The following GRTP1 variants were observed in gnomAD, a reference collection of about 807,000 sequenced individuals.
GRTP1 encodes the protein growth hormone-regulated TBC protein 1.
Under a neutral mutation model 38.1 loss-of-function variants are expected in GRTP1, and 56 were observed. The ratio of observed to expected loss-of-function variants is 1.47; its 90% confidence interval spans 1.19 to 1.84. The LOEUF (loss-of-function observed/expected upper bound fraction) is 1.84. Among genes scored for constraint, GRTP1 ranks in the 40% most tolerant of loss-of-function variants. GRTP1 has a pLI of 0.00. For synonymous variants in GRTP1, 217 were observed against 189.5 expected (o/e 1.14, Z -1.19); for missense variants, 506 against 453.9 (o/e 1.11, Z -1.04).
chr13:113,358,498 C>T (rs995010137), intron 2 of GRTP1, among the ~76,000 whole-genome samples: 3 of 151,886 alleles, frequency 2.0e-5, no homozygotes, highest in African/African-American at 4.8e-5. Context: ...ATATGCAAAG[C>T]GAAAAGAACC....
intron 2 of GRTP1, among the ~76,000 whole-genome samples, chr13:113,356,443 T>C (rs1011596800): frequency 2.6e-5 from 4 of 152,214 alleles, no homozygotes; most frequent in Admixed American, 6.5e-5. Flanking sequence ...AATTTTTGTA[T>C]TCTTAGTAAA....
At chr13:113,328,331 G>C (rs2042806347) in intron 5 of GRTP1, among the ~76,000 whole-genome samples, 1 of 152,182 alleles carries the variant, frequency 6.6e-6, no homozygotes, top group Non-Finnish European at 1.5e-5. Context: ...GTCAGACGTG[G>C]GCAGGGGCCA....
At chr13:113,332,646 C>T (rs566780291) in intron 5 of GRTP1, among the ~76,000 whole-genome samples, 2 of 152,374 alleles carry the variant, frequency 1.3e-5, no homozygotes, top group South Asian at 2.1e-4. Context: ...CCCACAAACA[C>T]ATCCCGAGGA....
chr13:113,332,171 C>T (rs892341367), intron 5 of GRTP1, among the ~76,000 whole-genome samples: 22 of 152,236 alleles, frequency 1.4e-4, no homozygotes, highest in Non-Finnish European at 1.9e-4. Context: ...CCATCAGATT[C>T]CCTGACTGTG....
intron 4 of GRTP1, among the ~76,000 whole-genome samples, chr13:113,345,594 A>C (rs150552107): frequency 1.3e-5 from 2 of 152,364 alleles, no homozygotes; most frequent in Admixed American, 6.5e-5. Flanking sequence ...TAATTTCTAA[A>C]GTAAGTATTT....
At position 113,363,645 on chromosome 13, in the gene GRTP1, G is replaced by T. The variant is rs984162551; in HGVS notation, c.181+117C>A. The T allele has an allele frequency of 2.5e-5, 27 of 1,091,522 alleles. No individual in the cohort carries two copies. The Middle Eastern group carries it at 9.1e-4, about 37-fold the overall frequency. 67.6% of individuals were successfully genotyped at this position (1,091,522 alleles called of 1,614,324 possible). A position where few individuals can be genotyped will look rare whatever the true frequency, so the allele number is the denominator to read the frequency against. ...AGCTCGGAGCCCGCAGCTTCGTCCC[G>T]ACCTGCCCGGAAAGGTTCCTCCCCC... On this transcript the variant is annotated intron_variant, in intron 2 of 7. Transcript: ENST00000375431.
At chr13:113,346,710 G>A (rs372189328) in intron 4 of GRTP1, among the ~76,000 whole-genome samples, 57 of 754 alleles carry the variant, frequency 0.076, 28 homozygotes, top group African/African-American at 0.36. Flanking sequence ...GAGCAGACCC[G>A]GGAGGACCTC....
chr13:113,326,494 A>T (rs1266274296), intron 5 of GRTP1, among the ~76,000 whole-genome samples: 3 of 151,574 alleles, frequency 2.0e-5, no homozygotes, highest in Non-Finnish European at 2.9e-5. Flanking sequence ...ACATGGCTGA[A>T]ACCCCGTCTC....
At chr13:113,334,252 C>T (rs1332757712) in intron 5 of GRTP1, among the ~76,000 whole-genome samples, 1 of 53,498 alleles carries the variant, frequency 1.9e-5, no homozygotes, top group Non-Finnish European at 5.4e-5. Flanking sequence ...GACCTGCTTC[C>T]CCTTCGTCCC....
intron 2 of GRTP1, 111 bp downstream of exon 2, chr13:113,363,651 C>A: frequency 8.7e-7 from 1 of 1,150,268 alleles, no homozygotes. Flanking sequence ...TCCCGACCTG[C>A]CCGGAAAGGT....
Position 113,352,362 on chromosome 13 carries a change from A to ATATATATATATATTTATATATATATTT in GRTP1, c.341-1390_341-1389insAAATATATATATAAATATATATATATA, listed in dbSNP as rs71101572. On this transcript the variant is annotated intron_variant, in intron 3 of 7. Coordinates refer to ENST00000375431, the MANE Select transcript of GRTP1 (RefSeq NM_024719.4). ...TTATATATATATTTATATATATTTT[A>ATATATATATATATTTATATATATATTT]TATATATATATATATTTATATATAT... 2.1e-4 allele frequency among the ~76,000 whole-genome samples: 17 copies of ATATATATATATATTTATATATATATTT among 80,800 alleles called. 1 individual carries two copies. Among genetic ancestry groups the ATATATATATATATTTATATATATATTT allele is most frequent in the African/African-American group, 8.4e-4 (15 of 17,796 alleles). 53.0% of individuals were successfully genotyped at this position (80,800 alleles called of 152,430 possible).
rs574794090 is a variant in GRTP1, at chr13:113,353,470, C to T, written c.340+1853G>A. 3.1e-3 allele frequency among the ~76,000 whole-genome samples: 478 copies of T among 152,352 alleles called. 2 individuals carry two copies. Among genetic ancestry groups the T allele is most frequent in the Non-Finnish European group, 3.0e-3 (207 of 68,048 alleles). On this transcript the variant is annotated intron_variant, in intron 3 of 7. Coordinates refer to ENST00000375431, the MANE Select transcript of GRTP1 (RefSeq NM_024719.4). ...TCACACAAGATGCAGTACAGAGGAT[C>T]CCTGAGGACTGAGGCGAGGGAAAGG...
intron 2 of GRTP1, among the ~76,000 whole-genome samples, chr13:113,359,379 A>C (rs1334928839): frequency 6.6e-6 from 1 of 152,212 alleles, no homozygotes; most frequent in Non-Finnish European, 1.5e-5. Flanking sequence ...GGCCAGGTGC[A>C]GTGGCTCATG....
At chr13:113,341,198 T>G (rs766020512) in intron 5 of GRTP1, among the ~76,000 whole-genome samples, 4 of 151,996 alleles carry the variant, frequency 2.6e-5, no homozygotes, top group Non-Finnish European at 5.9e-5. Flanking sequence ...CTGTGGGATA[T>G]GTGGATTATA....
Position 113,324,216 on chromosome 13 carries a change from T to C in GRTP1, c.*272A>G, listed in dbSNP as rs1487779155. Reference sequence around the variant, plus strand: ...CACAAACACAGGTGTTGGCATACTTTATTAGATACAAACCCACACTCACAT... The same window carrying C: ...CACAAACACAGGTGTTGGCATACTTCATTAGATACAAACCCACACTCACAT... On this transcript the variant is annotated 3_prime_UTR_variant, in exon 8 of 8. Transcript: ENST00000375431. The C allele has an allele frequency of 5.0e-6, 2 of 398,576 alleles. No homozygotes were observed. The highest frequency in any genetic ancestry group is 4.5e-5 in the Admixed American group (1 of 22,192). 24.7% of individuals were successfully genotyped at this position (398,576 alleles called of 1,614,324 possible).
chr13:113,341,349 C>T, intron 5 of GRTP1, among the ~76,000 whole-genome samples: 1 of 151,524 alleles, frequency 6.6e-6, no homozygotes, highest in Non-Finnish European at 1.5e-5. Flanking sequence ...TTTCTGCAAC[C>T]TCTGTCCCCT....
At chr13:113,333,059 A>G (rs1203519771) in intron 5 of GRTP1, among the ~76,000 whole-genome samples, 2 of 152,142 alleles carry the variant, frequency 1.3e-5, no homozygotes, top group Admixed American at 1.3e-4. Context: ...CTTCTAATGG[A>G]CTCATGACAT....
intron 5 of GRTP1, among the ~76,000 whole-genome samples, chr13:113,326,664 C>CT (rs889234210): frequency 2.0e-5 from 3 of 149,712 alleles, no homozygotes; most frequent in Non-Finnish European, 4.4e-5. Context: ...GAGCGAGACT[C>CT]TGTCTCAAAA....
chr13:113,325,805 C>G lies in GRTP1; in HGVS notation c.777G>C (p.Ser259=), dbSNP rs748932612. ...RIWDCLFNEG[S]KIIFRVALTL... is the part of the protein sequence containing the mutation. ...TCAGGGCCACCCGGAAGATAATCTT[C>G]GAGCCTTCGTTAAACAAACAGTCCC... is the stretch of plus-strand genomic sequence containing the variant. Residue 259 remains serine, a synonymous_variant, in exon 7 of 8, where the codon TCG becomes TCC. Coordinates refer to ENST00000375431, the MANE Select transcript of GRTP1 (RefSeq NM_024719.4). 1.2e-6 allele frequency: 2 copies of G among 1,614,012 alleles called. No homozygotes were observed. Among genetic ancestry groups the G allele is most frequent in the Non-Finnish European group, 8.5e-7 (1 of 1,180,008 alleles).
Sources: allele counts gnomAD v4.1 joint callset (sites outside exome capture counted in the v4.1 genomes callset), GRCh38; gene constraint gnomAD v4.1.1; transcripts MANE v1.5; gene names NCBI Gene and HGNC (gene_info 2026-07-23, HGNC 2026-07-21).